Variants in MICAL2 observed in about 807,000 individuals in gnomAD.
MICAL2 encodes the protein [F-actin]-monooxygenase MICAL2.
MICAL2 carries 77 observed loss-of-function variants against 127.3 expected under a neutral mutation model. The observed-to-expected ratio is 0.60, with a 90% CI of 0.50 to 0.73. MICAL2 has a LOEUF of 0.73. Ranked by LOEUF, MICAL2 falls within the 30% of genes least tolerant of loss-of-function variation. The probability of loss-of-function intolerance (pLI) is 0.00; values close to 1 mark genes in which losing one functional copy is unlikely to be tolerated. For synonymous variants in MICAL2, 570 were observed against 551.1 expected, an observed-to-expected ratio of 1.03 and a Z score of -0.48; for missense variants, 1,351 against 1,434.4, an observed-to-expected ratio of 0.94 and a Z score of 0.94.
intron 2 of MICAL2, among the ~76,000 whole-genome samples, chr11:12,154,759 A>G (rs1232830153): frequency 2.0e-5 from 3 of 152,250 alleles, no homozygotes; most frequent in African/African-American, 7.2e-5. Flanking sequence ...TTATAAGACC[A>G]TGCCTCATTT....
At chr11:12,264,062 C>T (rs1388933812), downstream of MICAL2, among the ~76,000 whole-genome samples, 1 of 152,150 alleles carries the variant, frequency 6.6e-6, no homozygotes, top group Admixed American at 6.5e-5. Flanking sequence ...GGGTGAGGGT[C>T]AGTGTCCCCT....
intron 1 of MICAL2, among the ~76,000 whole-genome samples, chr11:12,134,157 C>G (rs1183719224): frequency 6.6e-6 from 1 of 152,200 alleles, no homozygotes; most frequent in Non-Finnish European, 1.5e-5. Context: ...GAAGGTTAGA[C>G]AAGATCATAC....
chr11:12,214,869 G>A (rs1855952048), intron 7 of MICAL2, among the ~76,000 whole-genome samples: 1 of 151,922 alleles, frequency 6.6e-6, no homozygotes, highest in South Asian at 2.1e-4. Context: ...TCTGATTTAG[G>A]CCTTCCAGTT....
At chr11:12,221,238 T>C (rs1237049070) in intron 9 of MICAL2, among the ~76,000 whole-genome samples, 1 of 152,136 alleles carries the variant, frequency 6.6e-6, no homozygotes, top group Non-Finnish European at 1.5e-5. Flanking sequence ...CGGCTGTTCT[T>C]CCATCAGGCG....
chr11:12,200,671 G>A (rs1860592426), intron 3 of MICAL2, among the ~76,000 whole-genome samples: 1 of 152,222 alleles, frequency 6.6e-6, no homozygotes, highest in African/African-American at 2.4e-5. Flanking sequence ...TGGCATCTCT[G>A]AAATTTCAGG....
At chr11:12,248,168 GC>G (rs1442824976) in intron 21 of MICAL2, among the ~76,000 whole-genome samples, 3 of 152,144 alleles carry the variant, frequency 2.0e-5, no homozygotes, top group Admixed American at 2.0e-4. Context: ...CCACTTGCCC[GC>G]CCTCTCAGAT....
At chr11:12,237,095 TC>T (rs1859191257) in intron 16 of MICAL2, among the ~76,000 whole-genome samples, 1 of 152,140 alleles carries the variant, frequency 6.6e-6, no homozygotes, top group Non-Finnish European at 1.5e-5. Context: ...TTGCTGCCCC[TC>T]ACAACAGTGA....
At chr11:12,348,825 G>T (rs558455313) in intron 32 of MICAL2, among the ~76,000 whole-genome samples, 1 of 152,260 alleles carries the variant, frequency 6.6e-6, no homozygotes, top group Admixed American at 6.5e-5. Context: ...CTACAGAAAA[G>T]TTTGTTATGA....
At chr11:12,340,730 A>C (rs1285642229) in intron 32 of MICAL2, among the ~76,000 whole-genome samples, 4 of 152,218 alleles carry the variant, frequency 2.6e-5, no homozygotes, top group Admixed American at 2.6e-4. Context: ...ACATGGATGC[A>C]TTTTTACAAC....
intron 14 of MICAL2, 120 bp downstream of exon 14, chr11:12,226,490 A>G: frequency 1.0e-6 from 1 of 999,630 alleles, no homozygotes; most frequent in Non-Finnish European, 1.5e-6. Context: ...GTTCCCCTTG[A>G]CTTTGAGGCC....
chr11:12,299,988 T>G (rs1412036844), intron 29 of MICAL2, among the ~76,000 whole-genome samples: 3 of 152,182 alleles, frequency 2.0e-5, no homozygotes, highest in African/African-American at 2.4e-5. Context: ...CCTAGCGTGC[T>G]TGCTGTGTAG....
chr11:12,187,630 C>T (rs983236236), intron 3 of MICAL2, among the ~76,000 whole-genome samples: 8 of 152,218 alleles, frequency 5.3e-5, no homozygotes, highest in East Asian at 1.9e-4. Context: ...TTTGTTGTAG[C>T]GGTTCCTTGG....
chr11:12,301,486 C>T (rs1332675126), intron 29 of MICAL2, among the ~76,000 whole-genome samples: 6 of 152,270 alleles, frequency 3.9e-5, no homozygotes, highest in East Asian at 3.9e-4. Context: ...TTTTGGTGTA[C>T]ATATGTGCTT....
chr11:12,248,952 T>G (rs1848498375), intron 21 of MICAL2, among the ~76,000 whole-genome samples: 1 of 152,190 alleles, frequency 6.6e-6, no homozygotes, highest in Non-Finnish European at 1.5e-5. Context: ...AGAGCACCAA[T>G]TACTCACTGT....
intron 26 of MICAL2, chr11:12,262,193 A>C (rs1863214651): frequency 2.3e-6 from 3 of 1,308,468 alleles, no homozygotes; most frequent in Admixed American, 7.0e-5. Context: ...AACATATTCA[A>C]GAATGAATGG....
intron 3 of MICAL2, among the ~76,000 whole-genome samples, chr11:12,197,179 A>G (rs773056854): frequency 9.2e-5 from 14 of 152,222 alleles, no homozygotes; most frequent in Non-Finnish European, 1.9e-4. Context: ...GCTCTGCCAC[A>G]TAACACTTAT....
At chr11:12,281,843 C>A (rs918638498) in intron 2 of MICAL2, among the ~76,000 whole-genome samples, 1 of 152,210 alleles carries the variant, frequency 6.6e-6, no homozygotes, top group South Asian at 2.1e-4. Flanking sequence ...GTGTTTAATA[C>A]AAAGTTGACC....
chr11:12,265,866 A>G (rs1863606279), downstream of MICAL2, among the ~76,000 whole-genome samples: 1 of 152,232 alleles, frequency 6.6e-6, no homozygotes, highest in Admixed American at 6.5e-5. Flanking sequence ...CTGTAATCCC[A>G]GCACTTTGGG....
chr11:12,172,050 G>A (rs1470241582), intron 3 of MICAL2, among the ~76,000 whole-genome samples: 8 of 152,070 alleles, frequency 5.3e-5, no homozygotes, highest in South Asian at 2.1e-4. Context: ...TGTGGCTAGC[G>A]GCTGTCAAAT....
Sources: gnomAD v4.1 joint callset for allele counts (sites outside exome capture counted in the v4.1 genomes callset) on GRCh38, gnomAD v4.1.1 for gene constraint, MANE v1.5 for transcripts, NCBI Gene and HGNC (gene_info 2026-07-23, HGNC 2026-07-21) for gene names.